Variants in ESR1 observed in about 807,000 individuals in gnomAD.
The protein encoded by ESR1 is estrogen receptor.
Under a neutral mutation model 52.7 loss-of-function variants are expected in ESR1, and 12 were observed. The ratio of observed to expected loss-of-function variants is 0.23; its 90% confidence interval spans 0.15 to 0.37. ESR1 has a LOEUF of 0.37. ESR1 is among the 10% of genes least tolerant of loss of function. The pLI, the probability that ESR1 is intolerant of heterozygous loss-of-function variation, is 1.00. For synonymous variants in ESR1, 305 were observed against 316.8 expected (o/e 0.96, Z 0.39); for missense variants, 584 against 779.7 (o/e 0.75, Z 2.99).
At chr6:151,683,442 T>G (rs1778531615) in intron 1 of ESR1, among the ~76,000 whole-genome samples, 1 of 147,212 alleles carries the variant, frequency 6.8e-6, no homozygotes, top group African/African-American at 2.5e-5. Flanking sequence ...TCAATTTAAA[T>G]GGAGATTCAT....
chr6:151,682,564 T>C (rs1281686052), intron 1 of ESR1, among the ~76,000 whole-genome samples: 2 of 152,230 alleles, frequency 1.3e-5, no homozygotes, highest in African/African-American at 2.4e-5. Context: ...TTGTAAACTT[T>C]CATGAATTTG....
chr6:151,892,585 T>A (rs908341624), intron 3 of ESR1, among the ~76,000 whole-genome samples: 1 of 146,934 alleles, frequency 6.8e-6, no homozygotes, highest in Non-Finnish European at 1.5e-5. Context: ...AAAAGATAAC[T>A]AAGCTTTTTT....
chr6:151,746,766 G>A (rs1481715990), intron 2 of ESR1, among the ~76,000 whole-genome samples: 1 of 152,218 alleles, frequency 6.6e-6, no homozygotes, highest in Non-Finnish European at 1.5e-5. Flanking sequence ...TATGGAGTGG[G>A]TAGAATAGTG....
At chr6:151,698,193 C>G (rs1779508349) in intron 1 of ESR1, among the ~76,000 whole-genome samples, 1 of 151,732 alleles carries the variant, frequency 6.6e-6, no homozygotes, top group African/African-American at 2.4e-5. Flanking sequence ...TGGCGAAACC[C>G]CATCTCTATA....
intron 2 of ESR1, among the ~76,000 whole-genome samples, chr6:151,724,127 A>T (rs1298162080): frequency 6.6e-6 from 1 of 152,032 alleles, no homozygotes; most frequent in Non-Finnish European, 1.5e-5. Flanking sequence ...TAGGCTTGGG[A>T]TCTAGAAGCG....
intron 3 of ESR1, among the ~76,000 whole-genome samples, chr6:151,931,722 G>T (rs913023849): frequency 2.1e-5 from 3 of 146,264 alleles, no homozygotes; most frequent in African/African-American, 5.1e-5. Context: ...TTGTTCTTGC[G>T]ATAGTTTACT....
chr6:151,807,997 C>G lies in ESR1; in HGVS notation c.85C>G (p.Pro29Ala), dbSNP rs2128155577. ...QGNELEPLNR[P>A]QLKIPLERPL... ...GAACGAGCTGGAGCCCCTGAACCGT[C>G]CGCAGCTCAAGATCCCCCTGGAGCG... Residue 29 changes from proline to alanine, a missense_variant, in exon 1 of 8, where the codon CCG becomes GCG. Around this residue, in one of 6 missense-constraint regions of ESR1, gnomAD observed 251 missense variants for 246.1 expected, o/e 1.02. Coordinates refer to ENST00000206249, the MANE Select transcript of ESR1 (RefSeq NM_000125.4). The G allele has an allele frequency of 6.2e-7, 1 of 1,613,972 alleles. No homozygotes were observed. Among genetic ancestry groups the G allele is most frequent in the Non-Finnish European group, 8.5e-7 (1 of 1,179,974 alleles).
intron 1 of ESR1, among the ~76,000 whole-genome samples, chr6:151,676,661 T>G (rs1414969317): frequency 6.6e-6 from 1 of 152,190 alleles, no homozygotes; most frequent in Non-Finnish European, 1.5e-5. Context: ...TTCCCCAGAC[T>G]TGGCACCCTC....
chr6:152,117,704 C>A (rs990924845), intron 6 of ESR1, among the ~76,000 whole-genome samples: 5 of 152,214 alleles, frequency 3.3e-5, no homozygotes, highest in Non-Finnish European at 7.4e-5. Context: ...CCTTAGCTTC[C>A]TTCGGCTGCA....
chr6:152,038,011 T>G (rs535128418), intron 5 of ESR1, among the ~76,000 whole-genome samples: 89 of 152,282 alleles, frequency 5.8e-4, no homozygotes, highest in African/African-American at 1.7e-3. Flanking sequence ...ATAGGCCATC[T>G]GCAAGCTGAG....
chr6:151,834,249 G>T (rs983690911), intron 1 of ESR1, among the ~76,000 whole-genome samples: 1 of 152,122 alleles, frequency 6.6e-6, no homozygotes, highest in East Asian at 1.9e-4. Flanking sequence ...ACATGCACAC[G>T]TATGTTTATT....
chr6:151,938,415 A>G (rs1048229136), intron 3 of ESR1, among the ~76,000 whole-genome samples: 3 of 152,240 alleles, frequency 2.0e-5, no homozygotes, highest in Non-Finnish European at 4.4e-5. Flanking sequence ...TGAAGTAATT[A>G]GAGGTAGTCT....
At position 152,019,762 on chromosome 6, in the gene ESR1, C is replaced by T. The variant is rs181097583; in HGVS notation, c.1235+7968C>T. Among the ~76,000 whole-genome samples the T allele has an allele frequency of 2.3e-3, 348 of 152,158 alleles. 1 individual carries two copies. Among genetic ancestry groups the T allele is most frequent in the African/African-American group, 7.3e-3 (303 of 41,502 alleles). On this transcript the variant is annotated intron_variant, in intron 5 of 7. Transcript: ENST00000206249. Reference sequence around the variant, plus strand: ...CCACTCTGACATCTGTATTTATTACCGCCACCTGTCCATGATGGTATTAGA... The same window carrying T: ...CCACTCTGACATCTGTATTTATTACTGCCACCTGTCCATGATGGTATTAGA...
intron 6 of ESR1, among the ~76,000 whole-genome samples, chr6:152,115,772 T>C (rs1303089805): frequency 6.6e-6 from 1 of 152,162 alleles, no homozygotes; most frequent in African/African-American, 2.4e-5. Flanking sequence ...GAACAATTAT[T>C]ATACAAACTA....
At chr6:151,868,063 A>G (rs543480180) in intron 2 of ESR1, among the ~76,000 whole-genome samples, 1 of 152,186 alleles carries the variant, frequency 6.6e-6, no homozygotes, top group East Asian at 1.9e-4. Flanking sequence ...CACTCAGGTA[A>G]TGAGCATAGT....
At chr6:151,722,963 A>G (rs1293960243) in intron 2 of ESR1, among the ~76,000 whole-genome samples, 2 of 152,308 alleles carry the variant, frequency 1.3e-5, no homozygotes, top group Admixed American at 6.5e-5. Flanking sequence ...AAAGCAGGAT[A>G]TCATACTTTT....
intron 6 of ESR1, among the ~76,000 whole-genome samples, chr6:152,086,174 A>G (rs2049700498): frequency 6.6e-6 from 1 of 152,126 alleles, no homozygotes; most frequent in African/African-American, 2.4e-5. Context: ...GTGTCTTTAC[A>G]TCATCTCCTT....
chr6:151,850,003 TATAA>T (rs1786085878), intron 2 of ESR1, among the ~76,000 whole-genome samples: 1 of 122,994 alleles, frequency 8.1e-6, no homozygotes, highest in Non-Finnish European at 1.7e-5. Flanking sequence ...TATATATATA[TATAA>T]TTTTGTATAT....
At chr6:151,864,495 G>A (rs1191394567) in intron 2 of ESR1, among the ~76,000 whole-genome samples, 2 of 152,178 alleles carry the variant, frequency 1.3e-5, no homozygotes, top group Non-Finnish European at 2.9e-5. Context: ...TGGTGGGACT[G>A]TAAACTGGTT....
Sources: gnomAD v4.1 joint callset for allele counts (sites outside exome capture counted in the v4.1 genomes callset) on GRCh38, gnomAD v4.1.1 for gene constraint, gnomAD v4.1.1 regional missense constraint, MANE v1.5 for transcripts, NCBI Gene and HGNC (gene_info 2026-07-23, HGNC 2026-07-21) for gene names.